Variants in SSBP2 observed in about 807,000 individuals in gnomAD.
The protein encoded by SSBP2 is single-stranded DNA-binding protein 2.
In SSBP2, 17 loss-of-function variants were observed where a neutral mutation model predicts 61.8. The observed-to-expected ratio is 0.28, with a 90% CI of 0.19 to 0.41. The LOEUF (loss-of-function observed/expected upper bound fraction) is 0.41, where lower values mean the gene tolerates loss of function less well. SSBP2 is among the 10% of genes least tolerant of loss of function. The probability of loss-of-function intolerance (pLI) is 1.00; values close to 1 mark genes in which losing one functional copy is unlikely to be tolerated. For missense variants in SSBP2, 310 were observed against 458.7 expected, an observed-to-expected ratio of 0.68 and a Z score of 2.96; for synonymous variants, 139 against 141.3, an observed-to-expected ratio of 0.98 and a Z score of 0.12.
intron 1 of SSBP2, among the ~76,000 whole-genome samples, chr5:81,712,839 C>G (rs1399687392): frequency 6.6e-6 from 1 of 150,598 alleles, no homozygotes; most frequent in Non-Finnish European, 1.5e-5. Flanking sequence ...CTCAAGTGAT[C>G]CTCCTACCGC....
rs372118632 is a variant in SSBP2, at chr5:81,645,515, A to G, written c.135+4752T>C. Among the ~76,000 whole-genome samples, 7 of 152,312 alleles carry G rather than the reference A, an allele frequency of 4.6e-5. No individual in the cohort carries two copies. In the South Asian group the frequency reaches 1.4e-3, roughly 32 times the overall value. On this transcript the variant is annotated intron_variant, in intron 2 of 16. Coordinates refer to ENST00000320672, the MANE Select transcript of SSBP2 (RefSeq NM_012446.5). Reference sequence around the variant, plus strand: ...AATCTTTATAAAACTCTAATTCTTAATTTCATTTGTTAAGGGTATTGAGCC... The same window carrying G: ...AATCTTTATAAAACTCTAATTCTTAGTTTCATTTGTTAAGGGTATTGAGCC...
chr5:81,581,971 A>G (rs1468430711), intron 4 of SSBP2, among the ~76,000 whole-genome samples: 1 of 152,216 alleles, frequency 6.6e-6, no homozygotes, highest in African/African-American at 2.4e-5. Flanking sequence ...CCTTATTGAT[A>G]GTAATCAAAT....
intron 4 of SSBP2, among the ~76,000 whole-genome samples, chr5:81,545,655 T>A (rs192003651): frequency 1.3e-5 from 2 of 152,236 alleles, no homozygotes; most frequent in East Asian, 3.9e-4. Context: ...ATATATACAA[T>A]GAACAAGACA....
intron 10 of SSBP2, among the ~76,000 whole-genome samples, chr5:81,457,022 A>G (rs1205130861): frequency 6.6e-6 from 1 of 152,204 alleles, no homozygotes. Flanking sequence ...GTGTGTATAC[A>G]CATACATATA....
intron 10 of SSBP2, among the ~76,000 whole-genome samples, chr5:81,453,421 T>G (rs1763909550): frequency 6.6e-6 from 1 of 151,466 alleles, no homozygotes; most frequent in Non-Finnish European, 1.5e-5. Flanking sequence ...AGGTAGCAGA[T>G]GCAGTGATTA....
intron 1 of SSBP2, among the ~76,000 whole-genome samples, chr5:81,665,491 CAG>C (rs1294922741): frequency 6.7e-6 from 1 of 148,392 alleles, no homozygotes. Context: ...AAAGATCTTC[CAG>C]AGTCTTTTCT....
intron 10 of SSBP2, among the ~76,000 whole-genome samples, chr5:81,453,937 T>C (rs773412766): frequency 2.0e-5 from 3 of 152,172 alleles, no homozygotes; most frequent in Non-Finnish European, 4.4e-5. Flanking sequence ...ATGATGAGGA[T>C]AGAAAGTAAG....
intron 10 of SSBP2, among the ~76,000 whole-genome samples, chr5:81,455,528 A>G (rs1764079521): frequency 1.1e-5 from 1 of 92,768 alleles, no homozygotes; most frequent in Non-Finnish European, 1.9e-5. Context: ...CTGAGGCAGG[A>G]GAATGGCGTG....
intron 1 of SSBP2, among the ~76,000 whole-genome samples, chr5:81,719,469 ACTG>A (rs552058702): frequency 5.2e-4 from 79 of 152,312 alleles, no homozygotes; most frequent in African/African-American, 1.8e-3. Flanking sequence ...CAGTGGAATC[ACTG>A]TGGGTGCCCA....
intron 1 of SSBP2, among the ~76,000 whole-genome samples, chr5:81,686,230 T>C (rs1752760198): frequency 6.6e-6 from 1 of 152,222 alleles, no homozygotes; most frequent in Non-Finnish European, 1.5e-5. Flanking sequence ...TATGTATGCC[T>C]TACAGATGAA....
At chr5:81,625,411 A>T (rs1747044735) in intron 3 of SSBP2, among the ~76,000 whole-genome samples, 1 of 151,640 alleles carries the variant, frequency 6.6e-6, no homozygotes, top group Non-Finnish European at 1.5e-5. Context: ...CTCTAATCCT[A>T]CAACTATTAA....
At chr5:81,423,443 C>T (rs547386954) in intron 16 of SSBP2, among the ~76,000 whole-genome samples, 1 of 152,228 alleles carries the variant, frequency 6.6e-6, no homozygotes, top group East Asian at 1.9e-4. Flanking sequence ...AAAGGAAATG[C>T]TTTTTAAAAA....
At chr5:81,676,532 C>A (rs933831108) in intron 1 of SSBP2, among the ~76,000 whole-genome samples, 1 of 152,188 alleles carries the variant, frequency 6.6e-6, no homozygotes, top group Non-Finnish European at 1.5e-5. Flanking sequence ...AACAGTCCCC[C>A]AAATGAACAG....
chr5:81,473,689 T>C lies in SSBP2; in HGVS notation c.570+11A>G, dbSNP rs777724259. ...TATCTTTGCTATTGTAAATATGCACTGATTATTTACCTGTGGTCCTAAGGG... is the reference window on the plus strand; with the variant it reads ...TATCTTTGCTATTGTAAATATGCACCGATTATTTACCTGTGGTCCTAAGGG... On this transcript the variant is annotated intron_variant, in intron 8 of 16. Coordinates refer to ENST00000320672, the MANE Select transcript of SSBP2 (RefSeq NM_012446.5). 1 of 1,613,442 alleles carries C rather than the reference T, an allele frequency of 6.2e-7. No homozygotes were observed. The highest frequency in any genetic ancestry group is 1.7e-5 in the Admixed American group (1 of 60,000).
At chr5:81,721,058 G>A (rs1174785636) in intron 1 of SSBP2, among the ~76,000 whole-genome samples, 1 of 152,026 alleles carries the variant, frequency 6.6e-6, no homozygotes, top group African/African-American at 2.4e-5. Context: ...TGGAAATAAA[G>A]CCAAAGATAT....
chr5:81,662,323 C>T (rs189055286), intron 1 of SSBP2, among the ~76,000 whole-genome samples: 10 of 151,506 alleles, frequency 6.6e-5, no homozygotes, highest in East Asian at 1.9e-4. Flanking sequence ...AAAAATTAGC[C>T]GGGCATGGTG....
At chr5:81,515,497 G>A (rs903271852) in intron 4 of SSBP2, among the ~76,000 whole-genome samples, 14 of 151,958 alleles carry the variant, frequency 9.2e-5, no homozygotes, top group African/African-American at 1.4e-4. Context: ...AAACTTTTTA[G>A]TGTAGTTCAG....
chr5:81,563,732 C>T (rs1426273789), intron 4 of SSBP2, among the ~76,000 whole-genome samples: 4 of 152,112 alleles, frequency 2.6e-5, no homozygotes, highest in Admixed American at 6.5e-5. Context: ...ATACCATACA[C>T]AAAAATCAAT....
chr5:81,446,923 C>A lies in SSBP2; in HGVS notation c.724-1G>T. ...GTGGCCCTCCACCTCCTGGAGGACCCTAAATAATTATACAAAATTTCAGTA... is the reference window on the plus strand; with the variant it reads ...GTGGCCCTCCACCTCCTGGAGGACCATAAATAATTATACAAAATTTCAGTA... On this transcript the variant is annotated splice_acceptor_variant, in intron 11 of 16. Transcript: ENST00000320672. LOFTEE classifies it high-confidence loss of function. The A allele has an allele frequency of 1.9e-6, 3 of 1,588,606 alleles. No homozygotes were observed. Among genetic ancestry groups the A allele is most frequent in the South Asian group, 2.3e-5 (2 of 85,732 alleles).
Sources: gnomAD v4.1 joint callset for allele counts (sites outside exome capture counted in the v4.1 genomes callset) on GRCh38, gnomAD v4.1.1 for gene constraint, MANE v1.5 for transcripts, NCBI Gene and HGNC (gene_info 2026-07-23, HGNC 2026-07-21) for gene names.